PUS7L: variants seen among roughly 807,000 people sequenced by gnomAD.
The protein encoded by PUS7L is pseudouridine synthase 7 like.
PUS7L carries 49 observed loss-of-function variants against 51.1 expected under a neutral mutation model. The ratio of observed to expected loss-of-function variants is 0.96; its 90% CI spans 0.76 to 1.22. The LOEUF (loss-of-function observed/expected upper bound fraction) is 1.22, where lower values mean the gene tolerates loss of function less well. Among genes scored for constraint, PUS7L ranks in the 50% most tolerant of loss-of-function variants. PUS7L has a pLI of 0.00. For missense variants in PUS7L, 828 were observed against 820.6 expected (o/e 1.01, Z -0.11); for synonymous variants, 277 against 276.2 (o/e 1.00, Z -0.03).
At position 43,730,501 on chromosome 12, in the gene PUS7L, T is replaced by C; in HGVS notation, c.1981A>G (p.Ile661Val). 6.2e-7 allele frequency: 1 copy of C among 1,613,890 alleles called. No individual in the cohort carries two copies. Among genetic ancestry groups the C allele is most frequent in the Non-Finnish European group, 8.5e-7 (1 of 1,179,820 alleles). The change falls in exon 9 of 9, where the codon ATT (isoleucine) becomes GTT (valine). Residue 661 changes from isoleucine (I) to valine (V), a missense_variant. Physicochemically the swap from Ile to Val is conservative, Grantham distance 29 (BLOSUM62 3). Coordinates refer to ENST00000344862, the MANE Select transcript of PUS7L (RefSeq NM_031292.5). ...LSYQLMEDHDIDVKTKGSHID... is the reference protein window; with the variant it reads ...LSYQLMEDHDVDVKTKGSHID... ...TGGGAACCTTTCGTTTTGACATCAA[T>C]GTCATGATCTTCCATTAGTTGGTAT...
chr12:43,730,476 T>G lies in PUS7L; in HGVS notation c.2006A>C (p.His669Pro), dbSNP rs1447954646. 6.2e-7 allele frequency: 1 copy of G among 1,613,840 alleles called. No individual in the cohort carries two copies. Among genetic ancestry groups the G allele is most frequent in the South Asian group, 1.1e-5 (1 of 91,066 alleles). Residue 669 changes from histidine (H) to proline (P), a missense_variant, in exon 9 of 9, where the codon CAC (histidine) becomes CCC (proline). Transcript: ENST00000344862. ...AAGAGACAAAGCTGTTTCATCAATGTGGGAACCTTTCGTTTTGACATCAAT... is the reference window on the plus strand; with the variant it reads ...AAGAGACAAAGCTGTTTCATCAATGGGGGAACCTTTCGTTTTGACATCAAT... ...HDIDVKTKGSHIDETALSLLI... is the reference protein window; with the variant it reads ...HDIDVKTKGSPIDETALSLLI...
In PUS7L at chr12:43,754,471, T is replaced by C; in HGVS notation, c.775A>G (p.Thr259Ala). ...VNKKFGNLVE[T>A]KSFSKMNCSA... is the part of the protein sequence containing the mutation. ...CAATTCATTTTAGAAAAAGATTTGG[T>C]TTCCACAAGGTTTCCAAACTTTTTG... Residue 259 changes from threonine to alanine, a missense_variant, in exon 2 of 9, where the codon ACC becomes GCC. Thr to Ala is a moderately conservative substitution (Grantham distance 58). Coordinates refer to ENST00000344862, the MANE Select transcript of PUS7L (RefSeq NM_031292.5). 1 of 1,613,954 alleles carries C rather than the reference T, an allele frequency of 6.2e-7. No homozygotes were observed. The highest frequency in any genetic ancestry group is 8.5e-7 in the Non-Finnish European group (1 of 1,179,822).
rs1044295551 is a variant in PUS7L at position 43,722,793 on chromosome 12, T to C, written c.*7583A>G. On this transcript the variant is annotated 3_prime_UTR_variant, in exon 9 of 9. Transcript: ENST00000344862. ...TTAAAACCCTATTGTACTGAAAAAC[T>C]CAGAATCCTGACTTAACTAGTCTAA... 4.6e-5 allele frequency: 7 copies of C among 152,008 alleles called. No individual in the cohort carries two copies. Among genetic ancestry groups the C allele is most frequent in the African/African-American group, 1.7e-4 (7 of 41,408 alleles). 9.4% of individuals were successfully genotyped at this position (152,008 alleles called of 1,614,324 possible).
At position 43,748,606 on chromosome 12, in the gene PUS7L, A is replaced by AGG; in HGVS notation, c.913_914insCC (p.Phe305SerfsTer18). On this transcript the variant is annotated frameshift_variant, in exon 3 of 9. Coordinates refer to ENST00000344862, the MANE Select transcript of PUS7L (RefSeq NM_031292.5). LOFTEE classifies it high-confidence loss of function. Reference sequence around the variant, plus strand: ...TTCCAGGTTTTCCTTTCGTAGGGTAAAAGCTGAAACAAAAAAAAAACTTAG... The same window carrying AGG: ...TTCCAGGTTTTCCTTTCGTAGGGTAAGGAAGCTGAAACAAAAAAAAAACTTAG... The AGG allele has an allele frequency of 6.3e-7, 1 of 1,576,544 alleles. No individual in the cohort carries two copies. The highest frequency in any genetic ancestry group is 1.4e-5 in the African/African-American group (1 of 72,422).
In PUS7L at chr12:43,754,606, C is replaced by T; in HGVS notation, c.640G>A (p.Glu214Lys). 1.2e-6 allele frequency: 2 copies of T among 1,612,402 alleles called. No homozygotes were observed. The highest frequency in any genetic ancestry group is 1.7e-6 in the Non-Finnish European group (2 of 1,179,468). The change falls in exon 2 of 9, where the codon GAA becomes AAA. Residue 214 changes from glutamate to lysine, a missense_variant. Coordinates refer to ENST00000344862, the MANE Select transcript of PUS7L (RefSeq NM_031292.5). ...AAATATTTAAAAAAGTCAAATGCTT[C>T]CTCTTCAGATACCAAATGACAAAGT... is the stretch of plus-strand genomic sequence containing the variant. ...KELCHLVSEE[E>K]AFDFFKYLDA...
intron 2 of PUS7L, among the ~76,000 whole-genome samples, chr12:43,754,059 T>C (rs1938577525): frequency 6.6e-6 from 1 of 152,190 alleles, no homozygotes; most frequent in Non-Finnish European, 1.5e-5. Context: ...TGCTTCAACT[T>C]TATACATTTG....
intron 4 of PUS7L, among the ~76,000 whole-genome samples, chr12:43,745,640 C>G (rs573287433): frequency 1.4e-4 from 22 of 152,118 alleles, no homozygotes; most frequent in African/African-American, 5.1e-4. Flanking sequence ...TATGTCCTTA[C>G]TAGCAGTGTG....
rs577549719 is a variant in PUS7L, at chr12:43,720,574, G to A, written c.*9802C>T. 2.0e-5 allele frequency: 3 copies of A among 152,248 alleles called. No homozygotes were observed. In the South Asian group the frequency reaches 6.2e-4, roughly 32 times the overall value. The allele number at this position is 152,248 out of a possible 1,614,324, so 9.4% of individuals were successfully genotyped here. ...TCATTTCTAGCCTAATTGTGTTGTG[G>A]CAAAAGAATATACTCATATGGTTTC... On this transcript the variant is annotated 3_prime_UTR_variant, in exon 9 of 9. Coordinates refer to ENST00000344862, the MANE Select transcript of PUS7L (RefSeq NM_031292.5).
rs1488941459 is a variant in PUS7L, at chr12:43,730,566, C to G, written c.1916G>C (p.Gly639Ala). ...ATGTTTCAAAATCTGTCTATAGCAA[C>G]CTGGTATATTCAGTTTCAGAGTAGG... ...KVPTLKLNIP[G>A]CYRQILKHPC... Residue 639 changes from glycine (G) to alanine (A), a missense_variant, in exon 9 of 9, where the codon GGT becomes GCT. Physicochemically the swap from Gly to Ala is moderately conservative, Grantham distance 60. Transcript: ENST00000344862. 5.6e-6 allele frequency: 9 copies of G among 1,613,534 alleles called. No individual in the cohort carries two copies. The African/African-American group carries it at 1.2e-4, about 22-fold the overall frequency.
chr12:43,741,119 T>C (rs1565635340), intron 5 of PUS7L: 1 of 152,202 alleles, frequency 6.6e-6, no homozygotes, highest in Non-Finnish European at 1.5e-5. Flanking sequence ...TTATTACTAC[T>C]AAAGCAAAAT....
chr12:43,743,744 C>A (rs995663890), intron 4 of PUS7L, among the ~76,000 whole-genome samples: 1 of 150,814 alleles, frequency 6.6e-6, no homozygotes, highest in African/African-American at 2.4e-5. Flanking sequence ...GCCTGGGTGA[C>A]AGAGCGAGAC....
intron 2 of PUS7L, among the ~76,000 whole-genome samples, chr12:43,753,223 T>C (rs1283892597): frequency 6.6e-6 from 1 of 152,212 alleles, no homozygotes; most frequent in Non-Finnish European, 1.5e-5. Context: ...AACAATTTCA[T>C]TATTTCATTT....
In PUS7L at chr12:43,731,619, G is replaced by C. The variant is rs907732295; in HGVS notation, c.1779+86C>G. The C allele has an allele frequency of 6.2e-6, 4 of 648,386 alleles. No individual in the cohort carries two copies. In the Admixed American group the frequency reaches 9.3e-5, roughly 15 times the overall value. The allele number at this position is 648,386 out of a possible 1,614,324, so 40.2% of individuals were successfully genotyped here. A position where few individuals can be genotyped will look rare whatever the true frequency, so the allele number is the denominator to read the frequency against. ...AATTTAAAAGTTGTTTAATAAAAAA[G>C]AGGAGGGGAACTAGTTAACATTTTG... On this transcript the variant is annotated intron_variant, in intron 8 of 8. Coordinates refer to ENST00000344862, the MANE Select transcript of PUS7L (RefSeq NM_031292.5).
At position 43,725,996 on chromosome 12, in the gene PUS7L, TA is replaced by T. The variant is rs1427679958; in HGVS notation, c.*4379del. 3 of 152,216 alleles carry T rather than the reference TA, an allele frequency of 2.0e-5. No homozygotes were observed. Among genetic ancestry groups the T allele is most frequent in the African/African-American group, 7.2e-5 (3 of 41,460 alleles). 9.4% of individuals were successfully genotyped at this position (152,216 alleles called of 1,614,324 possible). A position where few individuals can be genotyped will look rare whatever the true frequency, so the allele number is the denominator to read the frequency against. On this transcript the variant is annotated 3_prime_UTR_variant, in exon 9 of 9. Coordinates refer to ENST00000344862, the MANE Select transcript of PUS7L (RefSeq NM_031292.5). Reference sequence around the variant, plus strand: ...TCACAAAAAAAAAATCAAGGTGTTTTAATTTTAATATTAGTAAAAGACCTCA... The same window carrying T: ...TCACAAAAAAAAAATCAAGGTGTTTTATTTTAATATTAGTAAAAGACCTCA...
intron 2 of PUS7L, among the ~76,000 whole-genome samples, chr12:43,751,703 G>A (rs1938456261): frequency 1.3e-5 from 2 of 152,094 alleles, no homozygotes; most frequent in Non-Finnish European, 2.9e-5. Context: ...AATCCTTTGG[G>A]TATATACCCA....
chr12:43,736,618 C>T lies in PUS7L; in HGVS notation c.1488G>A (p.Val496=), dbSNP rs1178394536. ...ATGCCTCCAACAATGCTCTCTCACG[C>T]ACTTTGAATTCAGGCATCAATGAAA... ...GTLSLMPEFK[V]RERALLEALH... Residue 496 remains valine, a synonymous_variant, in exon 7 of 9, where the codon GTG becomes GTA. Transcript: ENST00000344862. 1 of 1,614,054 alleles carries T rather than the reference C, an allele frequency of 6.2e-7. No homozygotes were observed.
At chr12:43,736,206 C>T (rs903674135) in intron 7 of PUS7L, among the ~76,000 whole-genome samples, 175 bp downstream of exon 7, 1 of 152,130 alleles carries the variant, frequency 6.6e-6, no homozygotes, top group African/African-American at 2.4e-5. Flanking sequence ...CATTTACCAA[C>T]ATGTGTTAAG....
chr12:43,722,055 A>G lies in PUS7L; in HGVS notation c.*8321T>C, dbSNP rs1944403406. 6.6e-6 allele frequency: 1 copy of G among 152,182 alleles called. No homozygotes were observed. The highest frequency in any genetic ancestry group is 2.4e-5 in the African/African-American group (1 of 41,456). The allele number at this position is 152,182 out of a possible 1,614,324, so 9.4% of individuals were successfully genotyped here. Reference sequence around the variant, plus strand: ...TCTAAGAGTATCTCATTATACATGTACAAATATTCCAAAATCCAAACATAT... The same window carrying G: ...TCTAAGAGTATCTCATTATACATGTGCAAATATTCCAAAATCCAAACATAT... On this transcript the variant is annotated 3_prime_UTR_variant, in exon 9 of 9. Transcript: ENST00000344862.
chr12:43,730,256 T>G lies in PUS7L; in HGVS notation c.*120A>C. 1 of 689,434 alleles carries G rather than the reference T, an allele frequency of 1.5e-6. No homozygotes were observed. The highest frequency in any genetic ancestry group is 2.4e-6 in the Non-Finnish European group (1 of 413,646). The allele number at this position is 689,434 out of a possible 1,614,324, so 42.7% of individuals were successfully genotyped here. On this transcript the variant is annotated 3_prime_UTR_variant, in exon 9 of 9. Coordinates refer to ENST00000344862, the MANE Select transcript of PUS7L (RefSeq NM_031292.5). ...ATCAAATCCTAACTTCTCAGGATGC[T>G]GTGAAAATTAAAAGAGATAACAATT...
Sources: gnomAD v4.1 joint callset for allele counts (sites outside exome capture counted in the v4.1 genomes callset) on GRCh38, gnomAD v4.1.1 for gene constraint, MANE v1.5 for transcripts, NCBI Gene and HGNC (gene_info 2026-07-23, HGNC 2026-07-21) for gene names.